TIAM1: variants seen among roughly 807,000 people sequenced by gnomAD.
The protein encoded by TIAM1 is rho guanine nucleotide exchange factor TIAM1.
Under a neutral mutation model 163.5 loss-of-function variants are expected in TIAM1, and 65 were observed. The observed-to-expected ratio is 0.40, with a 90% CI of 0.33 to 0.49. TIAM1 has a LOEUF of 0.49. TIAM1 is among the 20% of genes least tolerant of loss of function. The probability of loss-of-function intolerance (pLI) is 0.77; values close to 1 mark genes in which losing one functional copy is unlikely to be tolerated. For missense variants in TIAM1, 1,789 were observed against 2,044.7 expected (o/e 0.87, Z 2.41); for synonymous variants, 833 against 810.1 (o/e 1.03, Z -0.48).
At position 31,168,093 on chromosome 21, in the gene TIAM1, TA is replaced by T. The variant is rs528601771; in HGVS notation, c.2888-3029del. ...CAGGTTTCTTCCCTGAGATTCTTAT[TA>T]TTTTTTTTTTTTTTTGGAGACGTAG... On this transcript the variant is annotated intron_variant, in intron 15 of 27. Transcript: ENST00000541036. 4.5e-3 allele frequency among the ~76,000 whole-genome samples: 648 copies of T among 142,468 alleles called. 5 individuals are homozygous for T. The highest frequency in any genetic ancestry group is 0.019 in the African/African-American group (622 of 32,902). The allele number at this position is 142,468 out of a possible 152,430, so 93.5% of individuals were successfully genotyped here. A position where few individuals can be genotyped will look rare whatever the true frequency, so the allele number is the denominator to read the frequency against.
intron 4 of TIAM1, among the ~76,000 whole-genome samples, chr21:31,254,076 G>C (rs1161263701): frequency 6.6e-6 from 1 of 152,200 alleles, no homozygotes; most frequent in African/African-American, 2.4e-5. Context: ...CAGCTATTAA[G>C]CTCTCTCTAA....
Position 31,120,654 on chromosome 21 carries a change from T to C in TIAM1, c.4490A>G (p.Asp1497Gly). ...GAGGATGTCTGTCTCCTTGATGTCA[T>C]CTTGCTCCTCATACTGAGCAAGATC... Reference protein sequence around the residue: ...QFDLAQYEEQDDIKETDILSD... With the variant: ...QFDLAQYEEQGDIKETDILSD... Residue 1497 changes from aspartate to glycine, a missense_variant, in exon 28 of 28, where the codon GAT becomes GGT. Around this residue, in one of 5 missense-constraint regions of TIAM1, gnomAD observed 415 missense variants for 439.2 expected, o/e 0.94. Transcript: ENST00000541036. This position sits in a 1 kb window ranked among gnomAD's most constrained non-coding sequence, Gnocchi z 4.2. 1 of 1,614,176 alleles carries C rather than the reference T, an allele frequency of 6.2e-7. No individual in the cohort carries two copies. Among genetic ancestry groups the C allele is most frequent in the Non-Finnish European group, 8.5e-7 (1 of 1,180,034 alleles).
At chr21:31,252,289 G>A (rs752372944) in intron 4 of TIAM1, 100 bp from the exon 5 acceptor site, 35 of 1,317,504 alleles carry the variant, frequency 2.7e-5, no homozygotes, top group Non-Finnish European at 3.2e-5. Flanking sequence ...GGGCTCTGTA[G>A]CAGCGGGATA....
chr21:31,278,004 T>C (rs1223847081), intron 2 of TIAM1, among the ~76,000 whole-genome samples: 1 of 152,206 alleles, frequency 6.6e-6, no homozygotes, highest in African/African-American at 2.4e-5. Context: ...TCTATCTGTG[T>C]ATATTAAGGT....
chr21:31,161,292 T>G (rs1173699217), intron 16 of TIAM1, among the ~76,000 whole-genome samples: 1 of 152,118 alleles, frequency 6.6e-6, no homozygotes, highest in Admixed American at 6.5e-5. Flanking sequence ...TGAAGCTAAT[T>G]AGCATTCATC....
chr21:31,232,219 T>C (rs1468390038), intron 6 of TIAM1, among the ~76,000 whole-genome samples: 1 of 152,186 alleles, frequency 6.6e-6, no homozygotes, highest in African/African-American at 2.4e-5. Flanking sequence ...AAATGTGTGA[T>C]GACAGCTGCA....
At chr21:31,187,347 T>C (rs1330268490) in intron 13 of TIAM1, among the ~76,000 whole-genome samples, 2 of 152,218 alleles carry the variant, frequency 1.3e-5, no homozygotes, top group African/African-American at 2.4e-5. Flanking sequence ...AATTATTTTG[T>C]TTAATCTTGC....
At chr21:31,316,321 C>T (rs1338990269) in intron 2 of TIAM1, among the ~76,000 whole-genome samples, 1 of 152,126 alleles carries the variant, frequency 6.6e-6, no homozygotes, top group Non-Finnish European at 1.5e-5. Flanking sequence ...CGTTTTATCA[C>T]TGCTTGTTCC....
intron 1 of TIAM1, among the ~76,000 whole-genome samples, chr21:31,517,048 C>CA (rs747446437): frequency 0.17 from 11,381 of 65,060 alleles, 717 homozygotes; most frequent in Admixed American, 0.26. Context: ...GACTCTGTCT[C>CA]AAAAAAAAAA....
chr21:31,268,934 A>T (rs1196742727), intron 3 of TIAM1, among the ~76,000 whole-genome samples: 1 of 152,228 alleles, frequency 6.6e-6, no homozygotes, highest in Non-Finnish European at 1.5e-5. Context: ...CAATAAATAA[A>T]GACTTAGAAC....
intron 1 of TIAM1, among the ~76,000 whole-genome samples, chr21:31,471,533 T>C (rs1039769464): frequency 6.6e-6 from 1 of 150,530 alleles, no homozygotes; most frequent in Non-Finnish European, 1.5e-5. Flanking sequence ...ACAAGGGAGG[T>C]TGATGGAATC....
chr21:31,228,077 AT>A (rs67520058), intron 6 of TIAM1, among the ~76,000 whole-genome samples: 30,771 of 132,956 alleles, frequency 0.23, 5,327 homozygotes, highest in African/African-American at 0.48. Context: ...TAATTTTTGT[AT>A]TTTTTTTTTT....
At chr21:31,398,042 G>C (rs8132298) in intron 2 of TIAM1, among the ~76,000 whole-genome samples, 11,662 of 151,048 alleles carry the variant, frequency 0.077, 1,144 homozygotes, top group African/African-American at 0.22. Flanking sequence ...CAATGTGTTG[G>C]CTTCCCTTTG....
At chr21:31,278,731 C>T (rs76247091) in intron 2 of TIAM1, among the ~76,000 whole-genome samples, 6,039 of 152,212 alleles carry the variant, frequency 0.04, 407 homozygotes, top group African/African-American at 0.14. Flanking sequence ...GAAAGGAGCA[C>T]GAGTTCTCAG....
At chr21:31,492,776 TACACACACACACACACAC>T (rs3055373) in intron 1 of TIAM1, among the ~76,000 whole-genome samples, 1,492 of 139,772 alleles carry the variant, frequency 0.011, 24 homozygotes, top group African/African-American at 0.036. Context: ...TATTTTGGGT[TACACACACACACACACAC>T]ACACACACAC....
At chr21:31,302,010 T>C (rs2074526034) in intron 2 of TIAM1, among the ~76,000 whole-genome samples, 1 of 151,444 alleles carries the variant, frequency 6.6e-6, no homozygotes, top group South Asian at 2.1e-4. Flanking sequence ...ATATATAAAA[T>C]GGAGATGTAA....
intron 1 of TIAM1, among the ~76,000 whole-genome samples, chr21:31,470,976 C>T (rs1274739477): frequency 6.6e-6 from 1 of 152,226 alleles, no homozygotes; most frequent in Non-Finnish European, 1.5e-5. Flanking sequence ...AAATCTCTCA[C>T]AGCTCCCTCT....
At chr21:31,160,402 A>G in intron 16 of TIAM1, 1 of 398,630 alleles carries the variant, frequency 2.5e-6, no homozygotes. Flanking sequence ...TCATAACACA[A>G]TCAAACCTAG....
At chr21:31,321,276 A>G (rs2075302974) in intron 2 of TIAM1, among the ~76,000 whole-genome samples, 1 of 152,166 alleles carries the variant, frequency 6.6e-6, no homozygotes, top group South Asian at 2.1e-4. Context: ...AGGCTCCTCC[A>G]CATAATCTGA....
Sources: gnomAD v4.1 joint callset for allele counts (sites outside exome capture counted in the v4.1 genomes callset) on GRCh38, gnomAD v4.1.1 for gene constraint, gnomAD v4.1.1 regional missense constraint, Gnocchi (gnomAD v3.1) non-coding constraint, MANE v1.5 for transcripts, NCBI Gene and HGNC (gene_info 2026-07-23, HGNC 2026-07-21) for gene names.